Variants in FRMD3 observed in about 807,000 individuals in gnomAD.
FRMD3 encodes FERM domain-containing protein 3.
FRMD3 carries 33 observed loss-of-function variants against 70.2 expected under a neutral mutation model. The observed-to-expected ratio is 0.47, with a 90% confidence interval of 0.36 to 0.63. The LOEUF (loss-of-function observed/expected upper bound fraction) is 0.63, where lower values mean the gene tolerates loss of function less well. Ranked by LOEUF, FRMD3 falls within the 20% of genes least tolerant of loss-of-function variation. FRMD3 has a pLI of 0.00. For synonymous variants in FRMD3, 279 were observed against 255.9 expected (o/e 1.09, Z -0.86); for missense variants, 632 against 711.4 (o/e 0.89, Z 1.27).
chr9:83,513,832 G>A (rs1186571529), intron 1 of FRMD3, among the ~76,000 whole-genome samples: 1 of 152,136 alleles, frequency 6.6e-6, no homozygotes, highest in Non-Finnish European at 1.5e-5. Flanking sequence ...GCAGGGTGAG[G>A]TGTCGCCTCA....
chr9:83,310,689 G>A, intron 8 of FRMD3, 141 bp from the exon 9 acceptor site: 1 of 648,784 alleles, frequency 1.5e-6, no homozygotes, highest in Non-Finnish European at 2.7e-6. Context: ...GGTCTAATGG[G>A]CAGTGAAAAG....
intron 1 of FRMD3, among the ~76,000 whole-genome samples, chr9:83,462,577 T>C (rs996274001): frequency 6.6e-6 from 1 of 152,190 alleles, no homozygotes; most frequent in African/African-American, 2.4e-5. Context: ...ATTGTTTCCA[T>C]GGTAACCGCT....
chr9:83,410,482 A>AT (rs920536967), intron 1 of FRMD3, among the ~76,000 whole-genome samples: 15 of 152,118 alleles, frequency 9.9e-5, no homozygotes, highest in Non-Finnish European at 1.5e-5. Flanking sequence ...ACATGATTTC[A>AT]TTTTTTATGA....
At chr9:83,528,151 G>A (rs993354786) in intron 1 of FRMD3, among the ~76,000 whole-genome samples, 3 of 151,952 alleles carry the variant, frequency 2.0e-5, no homozygotes, top group African/African-American at 7.3e-5. Context: ...TCAAAAGAAG[G>A]GTCTCAAAAC....
At chr9:83,549,068 C>T in the FRMD3 span, among the ~76,000 whole-genome samples, 1 of 151,886 alleles carries the variant, frequency 6.6e-6, no homozygotes, top group Non-Finnish European at 1.5e-5. Context: ...AAACCCAGTA[C>T]CCAAGAGTTG....
intron 8 of FRMD3, among the ~76,000 whole-genome samples, chr9:83,311,119 T>C (rs917841521): frequency 2.0e-5 from 3 of 152,168 alleles, no homozygotes; most frequent in African/African-American, 7.2e-5. Context: ...GGAAGTCTCC[T>C]ACAGGGCTTC....
At chr9:83,577,412 T>C in the FRMD3 span, among the ~76,000 whole-genome samples, 1 of 152,076 alleles carries the variant, frequency 6.6e-6, no homozygotes, top group African/African-American at 2.4e-5. Flanking sequence ...TTCACATTTA[T>C]GGTCAACTGA....
intron 1 of FRMD3, among the ~76,000 whole-genome samples, chr9:83,450,842 C>T (rs186329676): frequency 2.0e-4 from 31 of 152,346 alleles, no homozygotes; most frequent in Non-Finnish European, 3.8e-4. Context: ...CACGGAGTAA[C>T]TCAAAGTCGG....
chr9:83,285,033 A>G (rs1455275337), intron 13 of FRMD3, among the ~76,000 whole-genome samples: 1 of 152,210 alleles, frequency 6.6e-6, no homozygotes. Flanking sequence ...GGCATGCCTG[A>G]TGGATGAGGA....
the FRMD3 span, among the ~76,000 whole-genome samples, chr9:83,555,126 C>T: frequency 1.3e-5 from 2 of 152,236 alleles, no homozygotes; most frequent in Non-Finnish European, 2.9e-5. Context: ...AAAAAACAAT[C>T]TGGCCACGTT....
chr9:83,328,321 G>A (rs1261927593), intron 6 of FRMD3, among the ~76,000 whole-genome samples: 2 of 152,180 alleles, frequency 1.3e-5, no homozygotes, highest in Non-Finnish European at 2.9e-5. Flanking sequence ...AAGTCAGGGA[G>A]CCATGTGACC....
At chr9:83,378,565 AAATATACATATAAAATTTATATATAC>A (rs1825233785) in intron 2 of FRMD3, among the ~76,000 whole-genome samples, 1 of 119,710 alleles carries the variant, frequency 8.4e-6, no homozygotes, top group Non-Finnish European at 1.7e-5. Context: ...TATATATATA[AAATATACATATAAAATTTATATATAC>A]AATATACATA....
chr9:83,268,718 G>A (rs1035660193), intron 13 of FRMD3, among the ~76,000 whole-genome samples: 2 of 152,188 alleles, frequency 1.3e-5, no homozygotes, highest in African/African-American at 4.8e-5. Context: ...AAAGGGTGTT[G>A]CCAGCCATGC....
chr9:83,340,670 A>C (rs116238023), intron 5 of FRMD3, among the ~76,000 whole-genome samples: 1 of 152,236 alleles, frequency 6.6e-6, no homozygotes, highest in Non-Finnish European at 1.5e-5. Context: ...TTTGTTTTGC[A>C]ATTTGTATTA....
At chr9:83,333,672 C>T (rs80053535) in intron 6 of FRMD3, among the ~76,000 whole-genome samples, 6,402 of 152,236 alleles carry the variant, frequency 0.042, 214 homozygotes, top group Admixed American at 0.095. Flanking sequence ...GGCCCTCCTG[C>T]CCTGGTTCTC....
intron 1 of FRMD3, among the ~76,000 whole-genome samples, chr9:83,462,093 C>T (rs953676186): frequency 2.0e-5 from 3 of 152,138 alleles, no homozygotes; most frequent in Non-Finnish European, 2.9e-5. Context: ...AAAAGTTACA[C>T]AGTCCTGGGT....
At chr9:83,285,936 T>C (rs1587678720) in intron 13 of FRMD3, among the ~76,000 whole-genome samples, 1 of 152,290 alleles carries the variant, frequency 6.6e-6, no homozygotes, top group Admixed American at 6.5e-5. Flanking sequence ...CCAAGCAACT[T>C]TTGGGTGGGC....
At chr9:83,259,275 G>A (rs778566941) in intron 13 of FRMD3, among the ~76,000 whole-genome samples, 1 of 152,130 alleles carries the variant, frequency 6.6e-6, no homozygotes, top group Non-Finnish European at 1.5e-5. Context: ...AGCATTTGGG[G>A]TGTAATTTTA....
intron 12 of FRMD3, among the ~76,000 whole-genome samples, chr9:83,291,644 A>C (rs894654057): frequency 6.6e-6 from 1 of 150,476 alleles, no homozygotes; most frequent in African/African-American, 2.5e-5. Flanking sequence ...CTGCATTTTC[A>C]CCTCTGTCTC....
Sources: gnomAD v4.1 joint callset for allele counts (sites outside exome capture counted in the v4.1 genomes callset) on GRCh38, gnomAD v4.1.1 for gene constraint, MANE v1.5 for transcripts, NCBI Gene and HGNC (gene_info 2026-07-23, HGNC 2026-07-21) for gene names.